TMEM164: variants seen among roughly 807,000 people sequenced by gnomAD.
The protein encoded by TMEM164 is RP13-360B22.2.
In TMEM164, 4 loss-of-function variants were observed where a neutral mutation model predicts 18.8. The ratio of observed to expected loss-of-function variants is 0.21; its 90% CI spans 0.10 to 0.49. The LOEUF is 0.49. TMEM164 is among the 20% of genes least tolerant of loss of function. The pLI, the probability that TMEM164 is intolerant of heterozygous loss-of-function variation, is 0.98. For synonymous variants in TMEM164, 86 were observed against 101.7 expected (o/e 0.85, Z 0.93); for missense variants, 108 against 239.9 (o/e 0.45, Z 3.63).
intron 5 of TMEM164, among the ~76,000 whole-genome samples, chrX:110,162,421 G>A (rs1416943667): frequency 8.9e-6 from 1 of 112,304 alleles, no homozygotes; most frequent in Non-Finnish European, 1.9e-5. Context: ...TGGCCAGTCA[G>A]CCCCAACTAG....
At chrX:110,093,940 A>C (rs977520685) in intron 3 of TMEM164, among the ~76,000 whole-genome samples, 1 of 111,457 alleles carries the variant, frequency 9.0e-6, no homozygotes, top group South Asian at 3.7e-4. Flanking sequence ...TCATTTCGTT[A>C]TGTACCCAGT....
intron 2 of TMEM164, among the ~76,000 whole-genome samples, chrX:110,044,125 C>T (rs1005317479): frequency 8.9e-6 from 1 of 112,302 alleles, no homozygotes; most frequent in South Asian, 3.7e-4. Context: ...CTATAACTTA[C>T]CTGAAACCAT....
intron 2 of TMEM164, among the ~76,000 whole-genome samples, chrX:110,019,963 A>G (rs1284210888): frequency 8.9e-6 from 1 of 112,086 alleles, no homozygotes; most frequent in Non-Finnish European, 1.9e-5. Context: ...TACTTTGTTT[A>G]TGCTGCACTG....
chrX:110,020,231 C>T (rs1176021014), intron 2 of TMEM164: 1 of 244,094 alleles, frequency 4.1e-6, no homozygotes, highest in East Asian at 2.4e-4. Context: ...GCTTCTGGTA[C>T]ATTCTAGATT....
intron 4 of TMEM164, among the ~76,000 whole-genome samples, chrX:110,128,664 T>A (rs902796413): frequency 8.9e-6 from 1 of 111,734 alleles, no homozygotes; most frequent in Non-Finnish European, 1.9e-5. Flanking sequence ...TTTAGAGATA[T>A]GTTAGTCCAT....
chrX:110,072,328 A>G (rs1347802178), intron 3 of TMEM164, among the ~76,000 whole-genome samples: 2 of 106,151 alleles, frequency 1.9e-5, no homozygotes, highest in Non-Finnish European at 3.9e-5. Context: ...GAAATTATGT[A>G]TCTTTTAAAG....
intron 4 of TMEM164, among the ~76,000 whole-genome samples, chrX:110,124,175 G>GC (rs1251826137): frequency 0.027 from 2,747 of 100,710 alleles, 66 homozygotes; most frequent in African/African-American, 0.058. Context: ...AGGAAGGAAG[G>GC]AAGGCAGGAA....
chrX:110,121,895 G>A (rs1288295911), intron 4 of TMEM164, among the ~76,000 whole-genome samples: 3 of 111,889 alleles, frequency 2.7e-5, no homozygotes, highest in Non-Finnish European at 5.6e-5. Flanking sequence ...GTGTGATGTC[G>A]TAGAGGTTGA....
At chrX:110,089,176 G>T (rs2147913958) in intron 3 of TMEM164, among the ~76,000 whole-genome samples, 1 of 111,984 alleles carries the variant, frequency 8.9e-6, no homozygotes, top group South Asian at 3.7e-4. Flanking sequence ...AAATATTATA[G>T]AAAGCAATAA....
intron 3 of TMEM164, among the ~76,000 whole-genome samples, chrX:110,090,830 G>T (rs1183740234): frequency 9.1e-6 from 1 of 110,251 alleles, no homozygotes; most frequent in Non-Finnish European, 1.9e-5. Flanking sequence ...TTTACATTAG[G>T]TATATCTCCT....
chrX:110,173,505 T>A lies in TMEM164; in HGVS notation c.*54T>A. On this transcript the variant is annotated 3_prime_UTR_variant, in exon 7 of 7. Coordinates refer to ENST00000372068, the MANE Select transcript of TMEM164 (RefSeq NM_032227.4). ...CTGAGGAAGCAAGTCGTGACTTGAC[T>A]TGGAGAACACCCAGTTCTTGATAAA... The A allele has an allele frequency of 9.7e-7, 1 of 1,031,508 alleles. No individual in the cohort carries two copies. The highest frequency in any genetic ancestry group is 1.3e-6 in the Non-Finnish European group (1 of 750,962). 85.0% of individuals were successfully genotyped at this position (1,031,508 alleles called of 1,213,427 possible). A position where few individuals can be genotyped will look rare whatever the true frequency, so the allele number is the denominator to read the frequency against.
chrX:110,124,925 A>G (rs1414725589), intron 4 of TMEM164, among the ~76,000 whole-genome samples: 1 of 112,236 alleles, frequency 8.9e-6, no homozygotes, highest in Non-Finnish European at 1.9e-5. Context: ...AAATGTAAGG[A>G]CACAGTAAAA....
At chrX:110,055,194 A>G in intron 2 of TMEM164, 1 of 316,994 alleles carries the variant, frequency 3.2e-6, no homozygotes, top group Admixed American at 3.3e-5. Context: ...TGGCCATGCT[A>G]TTCTCTTGAA....
At chrX:110,018,715 G>A (rs915445824) in intron 2 of TMEM164, among the ~76,000 whole-genome samples, 10 of 112,356 alleles carry the variant, frequency 8.9e-5, no homozygotes, top group African/African-American at 2.9e-4. Flanking sequence ...AGAATTAAAT[G>A]CATGACTACA....
At chrX:110,012,135 C>T (rs1278730194) in intron 2 of TMEM164, among the ~76,000 whole-genome samples, 1 of 112,148 alleles carries the variant, frequency 8.9e-6, no homozygotes, top group Non-Finnish European at 1.9e-5. Flanking sequence ...AGATAGCAGG[C>T]ATCCCACCTG....
intron 3 of TMEM164, among the ~76,000 whole-genome samples, chrX:110,107,820 T>C (rs1569332157): frequency 9.1e-6 from 1 of 109,836 alleles, no homozygotes; most frequent in Non-Finnish European, 1.9e-5. Flanking sequence ...CCACCATGCC[T>C]GGCTAATTTT....
At chrX:110,115,336 G>T (rs2066345878) in intron 4 of TMEM164, among the ~76,000 whole-genome samples, 1 of 112,012 alleles carries the variant, frequency 8.9e-6, no homozygotes, top group Non-Finnish European at 1.9e-5. Context: ...TTATCCTGAG[G>T]GTTCTTAAAG....
At chrX:110,032,102 G>A (rs1180451290) in intron 2 of TMEM164, among the ~76,000 whole-genome samples, 2 of 111,513 alleles carry the variant, frequency 1.8e-5, no homozygotes, top group African/African-American at 6.5e-5. Flanking sequence ...AAGGTCAGGG[G>A]TTGAAGGAAC....
chrX:110,126,816 G>C (rs1459389805), intron 4 of TMEM164, among the ~76,000 whole-genome samples: 5 of 64,695 alleles, frequency 7.7e-5, no homozygotes, highest in Admixed American at 4.9e-4. Context: ...ACTCCTGTGT[G>C]TGTGTGTGTG....
Sources: gnomAD v4.1 joint callset for allele counts (sites outside exome capture counted in the v4.1 genomes callset) on GRCh38, gnomAD v4.1.1 for gene constraint, MANE v1.5 for transcripts, NCBI Gene and HGNC (gene_info 2026-07-23, HGNC 2026-07-21) for gene names.